Variants in LRBA observed in about 807,000 individuals in gnomAD.
The protein encoded by LRBA is LPS responsive beige-like anchor protein, also known as lipopolysaccharide-responsive and beige-like anchor protein.
In LRBA, 176 loss-of-function variants were observed where a neutral mutation model predicts 330.0. The observed-to-expected ratio is 0.53, with a 90% CI of 0.47 to 0.60. The LOEUF (loss-of-function observed/expected upper bound fraction) is 0.60. Among genes scored for constraint, LRBA ranks in the 20% least tolerant of loss-of-function variants. The pLI is 0.00. For synonymous variants in LRBA, 1,230 were observed against 1,193.0 expected (o/e 1.03, Z -0.64); for missense variants, 3,259 against 3,444.8 (o/e 0.95, Z 1.35).
intron 44 of LRBA, among the ~76,000 whole-genome samples, chr4:150,463,427 A>G (rs2152054123): frequency 6.6e-6 from 1 of 152,188 alleles, no homozygotes; most frequent in Non-Finnish European, 1.5e-5. Context: ...GAATGCCATT[A>G]CAATTGAAGT....
At chr4:150,998,912 A>AT (rs1243550441) in intron 2 of LRBA, among the ~76,000 whole-genome samples, 1 of 152,226 alleles carries the variant, frequency 6.6e-6, no homozygotes, top group Non-Finnish European at 1.5e-5. Context: ...AAGCAGAAAA[A>AT]TAAGTTGGTC....
intron 53 of LRBA, among the ~76,000 whole-genome samples, chr4:150,290,748 G>A (rs1728179040): frequency 2.0e-5 from 3 of 152,184 alleles, no homozygotes; most frequent in African/African-American, 7.2e-5. Context: ...CTTAAAGGAA[G>A]ATGAACAAGT....
chr4:150,857,576 A>G (rs1368865428), intron 22 of LRBA, among the ~76,000 whole-genome samples: 1 of 152,190 alleles, frequency 6.6e-6, no homozygotes, highest in African/African-American at 2.4e-5. Context: ...TAAAACATGT[A>G]CAGACTCCTT....
At chr4:150,659,122 C>T (rs1373094285) in intron 37 of LRBA, among the ~76,000 whole-genome samples, 1 of 137,388 alleles carries the variant, frequency 7.3e-6, no homozygotes, top group Non-Finnish European at 1.6e-5. Context: ...AGATTGCAGC[C>T]TCTGCCCGGC....
intron 39 of LRBA, among the ~76,000 whole-genome samples, chr4:150,590,223 A>G (rs772064596): frequency 2.6e-5 from 4 of 152,202 alleles, no homozygotes; most frequent in Non-Finnish European, 4.4e-5. Flanking sequence ...AAATTCCTAC[A>G]TCAGGCAAAA....
intron 31 of LRBA, among the ~76,000 whole-genome samples, chr4:150,811,178 C>T (rs1021740431): frequency 2.0e-5 from 3 of 152,162 alleles, no homozygotes; most frequent in Non-Finnish European, 2.9e-5. Flanking sequence ...ACTATATGAT[C>T]ACTGAATCAC....
At chr4:150,457,817 A>G (rs928935194) in intron 44 of LRBA, among the ~76,000 whole-genome samples, 2 of 152,006 alleles carry the variant, frequency 1.3e-5, no homozygotes, top group African/African-American at 4.8e-5. Context: ...CACCAAACAA[A>G]TACAAAGCAT....
intron 2 of LRBA, among the ~76,000 whole-genome samples, chr4:150,988,347 G>C (rs1741683765): frequency 1.3e-5 from 2 of 152,108 alleles, no homozygotes; most frequent in African/African-American, 4.8e-5. Flanking sequence ...CAGACTTTAA[G>C]TTCCTAGAAA....
chr4:150,277,634 C>A (rs538223819), intron 56 of LRBA, among the ~76,000 whole-genome samples: 1 of 151,994 alleles, frequency 6.6e-6, no homozygotes, highest in African/African-American at 2.4e-5. Context: ...AAATAAATTC[C>A]CTCTGCAGGT....
chr4:150,858,335 G>A (rs1035120522), intron 22 of LRBA, among the ~76,000 whole-genome samples: 6 of 151,548 alleles, frequency 4.0e-5, no homozygotes, highest in Admixed American at 6.6e-5. Context: ...AAGAACCACC[G>A]CACTCTAGCC....
intron 17 of LRBA, among the ~76,000 whole-genome samples, chr4:150,888,121 G>T (rs1454569951): frequency 2.6e-5 from 4 of 151,558 alleles, no homozygotes; most frequent in African/African-American, 9.7e-5. Context: ...AAAAACACAG[G>T]AAAGAAAGGA....
intron 48 of LRBA, among the ~76,000 whole-genome samples, chr4:150,343,567 C>T (rs142226961): frequency 3.0e-3 from 462 of 152,256 alleles, no homozygotes; most frequent in African/African-American, 0.01. Context: ...TTCTTATCTA[C>T]TCAATCCAGC....
rs70941440 is a variant in LRBA, at chr4:150,768,927, C to CTTTTTT, written c.5581-7086_5581-7081dup. Among the ~76,000 whole-genome samples, 33 of 75,064 alleles carry CTTTTTT rather than the reference C, an allele frequency of 4.4e-4. 6 individuals carry two copies. Among genetic ancestry groups the CTTTTTT allele is most frequent in the African/African-American group, 1.6e-3 (31 of 19,706 alleles). The allele number at this position is 75,064 out of a possible 152,430, so 49.2% of individuals were successfully genotyped here. A position where few individuals can be genotyped will look rare whatever the true frequency, so the allele number is the denominator to read the frequency against. ...TAGGGATTTTATCAAGTGCTGTCTC[C>CTTTTTT]TTTTTTTTTTTTTTTTTTTTTTTTT... On this transcript the variant is annotated intron_variant, in intron 34 of 56. Transcript: ENST00000651943.
At chr4:150,273,262 G>A (rs891767692) in intron 56 of LRBA, among the ~76,000 whole-genome samples, 1 of 152,140 alleles carries the variant, frequency 6.6e-6, no homozygotes, top group Non-Finnish European at 1.5e-5. Flanking sequence ...AGCAAGTGTT[G>A]AGACATTTAG....
At chr4:150,918,193 G>A (rs1234845509) in intron 5 of LRBA, among the ~76,000 whole-genome samples, 3 of 152,116 alleles carry the variant, frequency 2.0e-5, no homozygotes, top group African/African-American at 2.4e-5. Context: ...AAGAATGGAA[G>A]TAAACATCTG....
intron 42 of LRBA, among the ~76,000 whole-genome samples, chr4:150,483,526 G>T (rs1468488055): frequency 6.6e-6 from 1 of 151,486 alleles, no homozygotes; most frequent in Non-Finnish European, 1.5e-5. Context: ...TAGAGATGGG[G>T]TCTCCCTATG....
intron 49 of LRBA, among the ~76,000 whole-genome samples, chr4:150,325,122 T>C (rs540103606): frequency 1.3e-5 from 2 of 152,238 alleles, no homozygotes; most frequent in South Asian, 2.1e-4. Context: ...TTCATTCTCA[T>C]GGGACTGCTC....
chr4:151,013,351 G>T (rs1481192205), intron 2 of LRBA: 2 of 152,132 alleles, frequency 1.3e-5, no homozygotes, highest in African/African-American at 4.8e-5. Flanking sequence ...CTGGAATAAA[G>T]AAATCTAAAA....
chr4:150,985,585 G>A (rs138749257), intron 2 of LRBA, among the ~76,000 whole-genome samples: 2,160 of 150,978 alleles, frequency 0.014, 43 homozygotes, highest in African/African-American at 0.05. Flanking sequence ...TGCAAGTTCC[G>A]CCTCCCGGGT....
Sources: allele counts gnomAD v4.1 joint callset (sites outside exome capture counted in the v4.1 genomes callset), GRCh38; gene constraint gnomAD v4.1.1; transcripts MANE v1.5; gene names NCBI Gene and HGNC (gene_info 2026-07-23, HGNC 2026-07-21).